Variants in TAS2R1 observed in about 807,000 individuals in gnomAD.
The protein encoded by TAS2R1 is taste 2 receptor member 1.
For missense variants in TAS2R1, 370 were observed against 353.4 expected, an observed-to-expected ratio of 1.05 and a Z score of -0.38; for synonymous variants, 141 against 134.2, an observed-to-expected ratio of 1.05 and a Z score of -0.35.
chr5:9,841,547 C>G, the TAS2R1 span, among the ~76,000 whole-genome samples: 1 of 152,104 alleles, frequency 6.6e-6, no homozygotes, highest in African/African-American at 2.4e-5. Flanking sequence ...TTTAGAGATT[C>G]CATTTAACTC....
the TAS2R1 span, among the ~76,000 whole-genome samples, chr5:9,837,125 G>A: frequency 0.051 from 7,787 of 152,204 alleles, 282 homozygotes; most frequent in East Asian, 0.19. Context: ...GAACCCAAAG[G>A]CTTAGGAAAA....
the TAS2R1 span, among the ~76,000 whole-genome samples, chr5:9,746,017 A>G: frequency 1.6e-4 from 24 of 152,234 alleles, no homozygotes; most frequent in African/African-American, 5.3e-4. Context: ...CAATCTACCC[A>G]TCTGACAAAG....
chr5:9,790,610 C>A, the TAS2R1 span, among the ~76,000 whole-genome samples: 4 of 152,026 alleles, frequency 2.6e-5, no homozygotes, highest in African/African-American at 4.8e-5. Context: ...TCTGTGTGTG[C>A]ATGTGTGTGT....
chr5:9,732,155 G>C, the TAS2R1 span, among the ~76,000 whole-genome samples: 5 of 152,196 alleles, frequency 3.3e-5, no homozygotes, highest in African/African-American at 1.2e-4. Flanking sequence ...TGGTGGGAAA[G>C]AACGAGATTT....
At chr5:9,756,366 T>C in the TAS2R1 span, among the ~76,000 whole-genome samples, 2 of 152,262 alleles carry the variant, frequency 1.3e-5, no homozygotes, top group East Asian at 1.9e-4. Flanking sequence ...CCCATTAGAG[T>C]ATAGAGAATA....
chr5:9,696,134 A>C (rs41490), intron 1 of TAS2R1, among the ~76,000 whole-genome samples: 28,202 of 151,970 alleles, frequency 0.19, 3,267 homozygotes, highest in Admixed American at 0.32. Flanking sequence ...GTCAATATTC[A>C]AAAAAAAATT....
rs763312142 is a variant in TAS2R1 at position 9,629,875 on chromosome 5, A to T, written c.158T>A (p.Val53Asp). 4.2e-5 allele frequency: 67 copies of T among 1,613,662 alleles called. No homozygotes were observed. The highest frequency in any genetic ancestry group is 1.2e-5 in the Non-Finnish European group (14 of 1,179,972). The stretch of plus-strand genomic sequence containing the variant: ...GAACAACTGCAGAAAAATTCTAGAA[A>T]CTGCCAGACAAGAAAGAAGGAGATC... ...PLDLLLSCLA[V>D]SRIFLQLFIF... The change falls in exon 1 of 1, where the codon GTT becomes GAT. Residue 53 changes from valine to aspartate, a missense_variant. By Grantham distance (152) the Val-to-Asp change is radical (BLOSUM62 -3). Coordinates refer to ENST00000382492, the MANE Select transcript of TAS2R1 (RefSeq NM_019599.3).
At chr5:9,875,652 A>C in the TAS2R1 span, among the ~76,000 whole-genome samples, 3 of 152,150 alleles carry the variant, frequency 2.0e-5, no homozygotes, top group Non-Finnish European at 2.9e-5. Flanking sequence ...TGAAATCCCC[A>C]TGGAGTTACC....
At chr5:9,707,472 TG>T (rs1486692524) in intron 1 of TAS2R1, among the ~76,000 whole-genome samples, 1 of 152,172 alleles carries the variant, frequency 6.6e-6, no homozygotes, top group Non-Finnish European at 1.5e-5. Flanking sequence ...GTGCTGATGT[TG>T]GGAGTTCAAG....
chr5:9,773,016 T>C, the TAS2R1 span, among the ~76,000 whole-genome samples: 2 of 152,142 alleles, frequency 1.3e-5, no homozygotes, highest in Admixed American at 1.3e-4. Context: ...AATGTTATTA[T>C]TGATAAGTAA....
the TAS2R1 span, among the ~76,000 whole-genome samples, chr5:9,840,984 C>T: frequency 2.6e-5 from 4 of 151,508 alleles, no homozygotes; most frequent in East Asian, 7.7e-4. Context: ...ACGCCATTCT[C>T]CTGCCTCAGC....
chr5:9,671,702 T>C (rs1740762421), intron 1 of TAS2R1, among the ~76,000 whole-genome samples: 1 of 152,122 alleles, frequency 6.6e-6, no homozygotes, highest in African/African-American at 2.4e-5. Context: ...ATCACTAAAA[T>C]GGCCATATTG....
At chr5:9,880,131 T>C in the TAS2R1 span, among the ~76,000 whole-genome samples, 2 of 152,188 alleles carry the variant, frequency 1.3e-5, no homozygotes, top group Non-Finnish European at 2.9e-5. Context: ...GTTGCTAAGT[T>C]CAGTCATACA....
chr5:9,749,710 A>G, the TAS2R1 span, among the ~76,000 whole-genome samples: 1 of 152,242 alleles, frequency 6.6e-6, no homozygotes, highest in Non-Finnish European at 1.5e-5. Flanking sequence ...ATAAAGCGAT[A>G]CTTCAAAGAA....
the TAS2R1 span, among the ~76,000 whole-genome samples, chr5:9,782,582 T>C: frequency 6.6e-6 from 1 of 152,192 alleles, no homozygotes; most frequent in African/African-American, 2.4e-5. Flanking sequence ...AGGCATTGTT[T>C]TAGAACTCTG....
At chr5:9,841,592 C>T in the TAS2R1 span, among the ~76,000 whole-genome samples, 31 of 152,250 alleles carry the variant, frequency 2.0e-4, 1 homozygote, top group Admixed American at 1.8e-3. Context: ...GGACATTCTC[C>T]ACTCTGTTAT....
chr5:9,719,839 A>T, the TAS2R1 span, among the ~76,000 whole-genome samples: 7 of 148,550 alleles, frequency 4.7e-5, no homozygotes, highest in Admixed American at 1.4e-4. Context: ...AATGGCGTCA[A>T]CCTGGGAGGC....
At chr5:9,852,458 A>C in the TAS2R1 span, among the ~76,000 whole-genome samples, 4 of 152,264 alleles carry the variant, frequency 2.6e-5, no homozygotes, top group Non-Finnish European at 5.9e-5. Context: ...GTACAAGTTG[A>C]GGAAGCTGCA....
At chr5:9,873,751 C>A in the TAS2R1 span, among the ~76,000 whole-genome samples, 1 of 151,546 alleles carries the variant, frequency 6.6e-6, no homozygotes, top group South Asian at 2.1e-4. Flanking sequence ...CACTTGTAGT[C>A]CCGGCTACTC....
Sources: allele counts gnomAD v4.1 joint callset (sites outside exome capture counted in the v4.1 genomes callset), GRCh38; gene constraint gnomAD v4.1.1; transcripts MANE v1.5; gene names NCBI Gene and HGNC (gene_info 2026-07-23, HGNC 2026-07-21).